The following SLC9A8 variants were observed in gnomAD, a reference collection of about 807,000 sequenced individuals.
SLC9A8 encodes sodium/hydrogen exchanger 8.
Under a neutral mutation model 66.6 loss-of-function variants are expected in SLC9A8, and 48 were observed. The ratio of observed to expected loss-of-function variants is 0.72; its 90% CI spans 0.57 to 0.92. The LOEUF (loss-of-function observed/expected upper bound fraction) is 0.92. SLC9A8 is among the 40% of genes least tolerant of loss of function. The pLI is 0.00. For missense variants in SLC9A8, 599 were observed against 747.3 expected (o/e 0.80, Z 2.31); for synonymous variants, 274 against 282.6 (o/e 0.97, Z 0.31).
At chr20:49,862,118 G>A (rs1200910304) in intron 8 of SLC9A8, among the ~76,000 whole-genome samples, 1 of 135,820 alleles carries the variant, frequency 7.4e-6, no homozygotes. Context: ...CACTAATCTT[G>A]GTACTTGAAA....
chr20:49,819,991 C>T lies in SLC9A8; in HGVS notation c.209-3070C>T, dbSNP rs556537441. 3.3e-5 allele frequency among the ~76,000 whole-genome samples: 5 copies of T among 152,244 alleles called. No homozygotes were observed. In the South Asian group the frequency reaches 8.3e-4, roughly 25 times the overall value. On this transcript the variant is annotated intron_variant, in intron 2 of 15. Coordinates refer to ENST00000361573, the MANE Select transcript of SLC9A8 (RefSeq NM_015266.3). ...CTTTTGGCTGTTGTGAATACTGCTG[C>T]TGTGAACATTTGTGTATAGGCTTTT...
intron 4 of SLC9A8, among the ~76,000 whole-genome samples, chr20:49,844,619 TAAAAAAAAAAA>T (rs35043669): frequency 3.8e-5 from 4 of 106,024 alleles, no homozygotes; most frequent in Non-Finnish European, 5.7e-5. Context: ...CCCTGTATCT[TAAAAAAAAAAA>T]AAAAAAAAAA....
intron 2 of SLC9A8, among the ~76,000 whole-genome samples, chr20:49,817,113 C>T (rs1045966807): frequency 1.3e-5 from 2 of 151,268 alleles, no homozygotes; most frequent in African/African-American, 2.4e-5. Context: ...GTCAGGAGTT[C>T]GAGACCAGCC....
rs1555848181 is a variant in SLC9A8, at chr20:49,884,223, C to CACACACACG, written c.1491+165_1491+166insGACACACAC. 770 of 243,178 alleles carry CACACACACG rather than the reference C, an allele frequency of 3.2e-3. 19 individuals are homozygous for CACACACACG. Among genetic ancestry groups the CACACACACG allele is most frequent in the East Asian group, 0.026 (350 of 13,632 alleles). 15.1% of individuals were successfully genotyped at this position (243,178 alleles called of 1,614,324 possible). On this transcript the variant is annotated intron_variant, in intron 14 of 15. Transcript: ENST00000361573. ...CGACACACACACACACACACACACA[C>CACACACACG]ACACACACACACACACACGACACAC...
At chr20:49,863,130 C>G (rs756220091) in intron 9 of SLC9A8, 63 bp downstream of exon 9, 45 of 1,434,060 alleles carry the variant, frequency 3.1e-5, no homozygotes, top group Non-Finnish European at 4.0e-5. Context: ...CTGTCTCTAG[C>G]CAGTTTCTCC....
At chr20:49,855,324 AGCTCTAGCGTGTAGTATT>A (rs1390083943) in intron 7 of SLC9A8, 96 bp from the exon 8 acceptor site, 1 of 1,031,802 alleles carries the variant, frequency 9.7e-7, no homozygotes, top group Non-Finnish European at 1.4e-6. Context: ...TAATTAATTC[AGCTCTAGCGTGTAGTATT>A]GCTTTCTGTT....
At chr20:49,837,322 G>A (rs571991956) in intron 3 of SLC9A8, among the ~76,000 whole-genome samples, 1 of 152,256 alleles carries the variant, frequency 6.6e-6, no homozygotes, top group East Asian at 1.9e-4. Context: ...ACCTCCTGAG[G>A]CTGTGTCAAG....
rs1286810700 is a variant in SLC9A8, at chr20:49,886,074, G to A, written c.1492-678G>A. Reference sequence around the variant, plus strand: ...AGCATCTAAATGCCCTCCCCTCCCCGGCCATCCTCTGCCCTCCCTGCACCT... The same window carrying A: ...AGCATCTAAATGCCCTCCCCTCCCCAGCCATCCTCTGCCCTCCCTGCACCT... On this transcript the variant is annotated intron_variant, in intron 14 of 15. Transcript: ENST00000361573. This position sits in a 1 kb window ranked among gnomAD's most constrained non-coding sequence, Gnocchi z 4.8. Among the ~76,000 whole-genome samples, 4 of 111,854 alleles carry A rather than the reference G, an allele frequency of 3.6e-5. No individual in the cohort carries two copies. The highest frequency in any genetic ancestry group is 3.8e-5 in the Non-Finnish European group (2 of 52,918). The allele number at this position is 111,854 out of a possible 152,430, so 73.4% of individuals were successfully genotyped here.
At chr20:49,853,792 G>A (rs1391789213) in intron 7 of SLC9A8, among the ~76,000 whole-genome samples, 2 of 152,202 alleles carry the variant, frequency 1.3e-5, no homozygotes, top group Non-Finnish European at 1.5e-5. Flanking sequence ...GAGGACAGGC[G>A]AAGTCTGGGA....
chr20:49,828,577 C>A (rs2087020514), intron 3 of SLC9A8, among the ~76,000 whole-genome samples: 1 of 150,194 alleles, frequency 6.7e-6, no homozygotes, highest in African/African-American at 2.4e-5. Context: ...GTGGCTCATG[C>A]CTGTAATCCC....
At chr20:49,837,241 G>C (rs1384680993) in intron 3 of SLC9A8, among the ~76,000 whole-genome samples, 1 of 152,164 alleles carries the variant, frequency 6.6e-6, no homozygotes, top group Admixed American at 6.5e-5. Context: ...ATTGTTGATA[G>C]ATGTCTCATG....
intron 10 of SLC9A8, among the ~76,000 whole-genome samples, chr20:49,873,850 T>C (rs1259189177): frequency 6.8e-6 from 1 of 147,042 alleles, no homozygotes; most frequent in East Asian, 2.0e-4. Flanking sequence ...CCCCCCAGAG[T>C]GGTTTGCTTG....
chr20:49,833,807 A>T (rs2146524880), intron 3 of SLC9A8, among the ~76,000 whole-genome samples: 1 of 152,280 alleles, frequency 6.6e-6, no homozygotes, highest in South Asian at 2.1e-4. Flanking sequence ...ATAATCATTA[A>T]TTGCTCCTGA....
intron 6 of SLC9A8, 141 bp downstream of exon 6, chr20:49,849,821 C>T: frequency 1.5e-6 from 1 of 682,058 alleles, no homozygotes; most frequent in Non-Finnish European, 2.6e-6. Flanking sequence ...GAAATCCTAG[C>T]TTCATATGAG....
intron 2 of SLC9A8, among the ~76,000 whole-genome samples, chr20:49,820,633 A>G (rs1419363831): frequency 2.6e-5 from 4 of 151,628 alleles, no homozygotes; most frequent in East Asian, 1.9e-4. Flanking sequence ...TGCAACCTCT[A>G]CCTCCTGGGT....
intron 3 of SLC9A8, among the ~76,000 whole-genome samples, chr20:49,824,482 CA>C (rs2086848180): frequency 6.6e-6 from 1 of 152,194 alleles, no homozygotes; most frequent in Admixed American, 6.5e-5. Flanking sequence ...AAGGAATTTA[CA>C]GTTGTGTGGT....
chr20:49,869,782 G>A lies in SLC9A8; in HGVS notation c.959-4923G>A, dbSNP rs184836494. Among the ~76,000 whole-genome samples, 920 of 151,894 alleles carry A rather than the reference G, an allele frequency of 6.1e-3. 47 individuals carry two copies. The highest frequency in any genetic ancestry group is 0.056 in the Admixed American group (851 of 15,286). On this transcript the variant is annotated intron_variant, in intron 10 of 15. Coordinates refer to ENST00000361573, the MANE Select transcript of SLC9A8 (RefSeq NM_015266.3). ...AGGGAAGCAGAGGTTGCAGTGAGCC[G>A]AGATCCTGCCACTGCACTCTAGCCT... is the stretch of plus-strand genomic sequence containing the variant.
In SLC9A8 at chr20:49,834,369, GTATA is replaced by G. The variant is rs759550119; in HGVS notation, c.290-5161_290-5158del. ...TATACTGTATATATATATATACTGT[GTATA>G]TATATATATACTGTGTATATATATA... On this transcript the variant is annotated intron_variant, in intron 3 of 15. Coordinates refer to ENST00000361573, the MANE Select transcript of SLC9A8 (RefSeq NM_015266.3). 4.2e-3 allele frequency among the ~76,000 whole-genome samples: 234 copies of G among 55,730 alleles called. 6 individuals are homozygous for G. Among genetic ancestry groups the G allele is most frequent in the African/African-American group, 0.012 (221 of 18,582 alleles). 36.6% of individuals were successfully genotyped at this position (55,730 alleles called of 152,430 possible).
Position 49,884,235 on chromosome 20 carries a change from CACACACG to C in SLC9A8, c.1491+176_1491+182del, listed in dbSNP as rs1326148300. 140 of 208,026 alleles carry C rather than the reference CACACACG, an allele frequency of 6.7e-4. 2 individuals carry two copies. The highest frequency in any genetic ancestry group is 1.5e-3 in the African/African-American group (27 of 17,602). The allele number at this position is 208,026 out of a possible 1,614,324, so 12.9% of individuals were successfully genotyped here. A position where few individuals can be genotyped will look rare whatever the true frequency, so the allele number is the denominator to read the frequency against. ...ACACACACACACACACACACACACA[CACACACG>C]ACACACACACACACACGACACACAC... On this transcript the variant is annotated intron_variant, in intron 14 of 15. Transcript: ENST00000361573.
Sources: gnomAD v4.1 joint callset for allele counts (sites outside exome capture counted in the v4.1 genomes callset) on GRCh38, gnomAD v4.1.1 for gene constraint, Gnocchi (gnomAD v3.1) non-coding constraint, MANE v1.5 for transcripts, NCBI Gene and HGNC (gene_info 2026-07-23, HGNC 2026-07-21) for gene names.